DYRK1A: variants seen among roughly 807,000 people sequenced by gnomAD.
DYRK1A encodes dual specificity tyrosine phosphorylation regulated kinase 1A.
In DYRK1A, 9 loss-of-function variants were observed where a neutral mutation model predicts 79.7. The observed-to-expected ratio is 0.11, with a 90% CI of 0.07 to 0.20. The LOEUF (loss-of-function observed/expected upper bound fraction) is 0.20, where lower values mean the gene tolerates loss of function less well. DYRK1A is among the 10% of genes least tolerant of loss of function. The pLI, the probability that DYRK1A is intolerant of heterozygous loss-of-function variation, is 1.00. For missense variants in DYRK1A, 622 were observed against 956.0 expected, an observed-to-expected ratio of 0.65 and a Z score of 4.61; for synonymous variants, 349 against 329.7, an observed-to-expected ratio of 1.06 and a Z score of -0.63.
At chr21:37,411,337 C>G (rs1203864343) in intron 1 of DYRK1A, among the ~76,000 whole-genome samples, 4 of 151,936 alleles carry the variant, frequency 2.6e-5, no homozygotes, top group African/African-American at 9.7e-5. Flanking sequence ...GCCTGAGTGA[C>G]ATAGTGAGAC....
At chr21:37,508,335 TG>T (rs775528279) in intron 11 of DYRK1A, among the ~76,000 whole-genome samples, 2 of 152,214 alleles carry the variant, frequency 1.3e-5, no homozygotes, top group African/African-American at 4.8e-5. Flanking sequence ...TCGCCCAGGC[TG>T]GGGTGGAATG....
At chr21:37,386,240 A>G (rs958167236) in intron 1 of DYRK1A, among the ~76,000 whole-genome samples, 13 of 152,098 alleles carry the variant, frequency 8.5e-5, no homozygotes, top group African/African-American at 2.9e-4. Context: ...AGGTAATACT[A>G]ATAGAAATAA....
intron 5 of DYRK1A, among the ~76,000 whole-genome samples, chr21:37,484,056 T>C (rs1440298749): frequency 6.6e-6 from 1 of 152,174 alleles, no homozygotes; most frequent in East Asian, 1.9e-4. Context: ...CATTACCGCC[T>C]GAGCTCCGCC....
intron 9 of DYRK1A, chr21:37,501,721 G>T (rs1297775730): frequency 6.6e-6 from 1 of 152,090 alleles, no homozygotes; most frequent in African/African-American, 2.4e-5. Flanking sequence ...ATTGTATTTT[G>T]TGTTTGTTTG....
chr21:37,449,240 A>G (rs564370877), intron 2 of DYRK1A, among the ~76,000 whole-genome samples: 189 of 152,328 alleles, frequency 1.2e-3, no homozygotes, highest in African/African-American at 4.3e-3. Flanking sequence ...TAATTTCTGT[A>G]TTTACTAAGG....
intron 3 of DYRK1A, among the ~76,000 whole-genome samples, chr21:37,473,690 G>A (rs756305333): frequency 6.6e-6 from 1 of 152,136 alleles, no homozygotes; most frequent in Non-Finnish European, 1.5e-5. Context: ...AGATTTAAAA[G>A]TATGTCTTTT....
At position 37,482,138 on chromosome 21, in the gene DYRK1A, G is replaced by C. The variant is rs11911681; in HGVS notation, c.489+1312G>C. Among the ~76,000 whole-genome samples, 433 of 152,236 alleles carry C rather than the reference G, an allele frequency of 2.8e-3. 2 individuals are homozygous for C. The highest frequency in any genetic ancestry group is 9.4e-3 in the African/African-American group (392 of 41,536). ...GGAACCTGCATGTGCTTACTTCTCT[G>C]TTCCTGCCCTGAGAGAACACAAAAT... On this transcript the variant is annotated intron_variant, in intron 5 of 11. Coordinates refer to ENST00000647188, the MANE Select transcript of DYRK1A (RefSeq NM_001347721.2).
intron 1 of DYRK1A, chr21:37,419,274 G>C (rs759594651): frequency 3.9e-5 from 6 of 152,124 alleles, no homozygotes; most frequent in Non-Finnish European, 7.4e-5. Context: ...AAACAACTTA[G>C]GGAAAAGGAT....
At chr21:37,450,073 C>T (rs1200188804) in intron 2 of DYRK1A, among the ~76,000 whole-genome samples, 1 of 152,174 alleles carries the variant, frequency 6.6e-6, no homozygotes, top group Non-Finnish European at 1.5e-5. Flanking sequence ...ATGTGAGCCT[C>T]AACTTTCCTG....
intron 2 of DYRK1A, among the ~76,000 whole-genome samples, chr21:37,435,991 G>GAA (rs79181422): frequency 4.0e-5 from 6 of 151,040 alleles, no homozygotes; most frequent in South Asian, 2.1e-4. Flanking sequence ...AGGTTCTGCA[G>GAA]AAAAAAAAAT....
chr21:37,383,892 C>T (rs183267943), intron 1 of DYRK1A, among the ~76,000 whole-genome samples: 9 of 151,914 alleles, frequency 5.9e-5, no homozygotes, highest in East Asian at 3.9e-4. Flanking sequence ...ATTTAAACTT[C>T]AGTGTCAGGA....
chr21:37,454,917 C>G (rs2051584584), intron 2 of DYRK1A, among the ~76,000 whole-genome samples: 1 of 151,440 alleles, frequency 6.6e-6, no homozygotes, highest in Non-Finnish European at 1.5e-5. Flanking sequence ...TATCTCTTTG[C>G]TTTTGGGACA....
At chr21:37,463,377 T>G (rs992228488) in intron 2 of DYRK1A, among the ~76,000 whole-genome samples, 2 of 152,214 alleles carry the variant, frequency 1.3e-5, no homozygotes, top group African/African-American at 4.8e-5. Context: ...TTAATATATA[T>G]TTATTTAACA....
intron 2 of DYRK1A, among the ~76,000 whole-genome samples, chr21:37,455,642 G>A (rs879527704): frequency 1.3e-5 from 2 of 152,068 alleles, no homozygotes; most frequent in African/African-American, 4.8e-5. Context: ...TTCTTTTGCT[G>A]ACAATTCCCT....
chr21:37,508,952 C>T lies in DYRK1A; in HGVS notation c.1644+2729C>T, dbSNP rs551410997. Among the ~76,000 whole-genome samples, 4 of 152,244 alleles carry T rather than the reference C, an allele frequency of 2.6e-5. No individual in the cohort carries two copies. The East Asian group carries it at 7.7e-4, about 29-fold the overall frequency. On this transcript the variant is annotated intron_variant, in intron 11 of 11. Transcript: ENST00000647188. ...TCTTTCTTCCAGATCTATTCCATAC[C>T]GCAAACACATACAAGAGTAGCATAA... is the stretch of plus-strand genomic sequence containing the variant.
At chr21:37,428,072 C>T (rs567301034) in intron 2 of DYRK1A, among the ~76,000 whole-genome samples, 2 of 152,262 alleles carry the variant, frequency 1.3e-5, no homozygotes, top group South Asian at 4.1e-4. Flanking sequence ...TTGACCCAGA[C>T]AGAGGTTCGG....
intron 2 of DYRK1A, among the ~76,000 whole-genome samples, chr21:37,448,338 A>G (rs963582523): frequency 4.6e-5 from 7 of 151,928 alleles, no homozygotes; most frequent in Non-Finnish European, 8.8e-5. Context: ...TTTTTTAAAA[A>G]CTCTTGTTCT....
At chr21:37,510,146 T>C (rs2053709104) in intron 11 of DYRK1A, among the ~76,000 whole-genome samples, 1 of 152,196 alleles carries the variant, frequency 6.6e-6, no homozygotes, top group Admixed American at 6.5e-5. Flanking sequence ...CATTCACACA[T>C]AGACATTTTA....
In DYRK1A at chr21:37,480,686, G is replaced by A. The variant is rs959419590; in HGVS notation, c.349G>A (p.Asp117Asn). The change falls in exon 5 of 12, where the codon GAT (aspartate) becomes AAT (asparagine). Residue 117 changes from aspartate (D) to asparagine (N), a missense_variant. By Grantham distance (23) the Asp-to-Asn change is conservative. Transcript: ENST00000647188. ...AAGACACCAACAGGGCCAGGGAGAC[G>A]ATTCTAGTCATAAGAAGGAACGGAA... is the stretch of plus-strand genomic sequence containing the variant. ...KRRHQQGQGD[D>N]SSHKKERKVY... 4.3e-6 allele frequency: 7 copies of A among 1,611,372 alleles called. No individual in the cohort carries two copies. In the African/African-American group the frequency reaches 6.7e-5, roughly 15 times the overall value.
Sources: gnomAD v4.1 joint callset for allele counts (sites outside exome capture counted in the v4.1 genomes callset) on GRCh38, gnomAD v4.1.1 for gene constraint, MANE v1.5 for transcripts, NCBI Gene and HGNC (gene_info 2026-07-23, HGNC 2026-07-21) for gene names.